Variants in REPS2 observed in about 807,000 individuals in gnomAD.
REPS2 encodes the protein RALBP1 associated Eps domain containing 2, also known as ralBP1-associated Eps domain-containing protein 2.
In REPS2, 23 loss-of-function variants were observed where a neutral mutation model predicts 53.6. The ratio of observed to expected loss-of-function variants is 0.43; its 90% confidence interval spans 0.31 to 0.61. The LOEUF (loss-of-function observed/expected upper bound fraction) is 0.61, where lower values mean the gene tolerates loss of function less well. Among genes scored for constraint, REPS2 ranks in the 20% least tolerant of loss-of-function variants. The pLI is 0.11. For synonymous variants in REPS2, 238 were observed against 218.6 expected (o/e 1.09, Z -0.78); for missense variants, 446 against 534.9 (o/e 0.83, Z 1.64).
chrX:17,170,624 C>G, the REPS2 span, among the ~76,000 whole-genome samples: 3 of 112,427 alleles, frequency 2.7e-5, no homozygotes, highest in African/African-American at 9.7e-5. Flanking sequence ...AGATCCTAAT[C>G]TAAACAAAAT....
chrX:16,990,279 A>T (rs766023255), intron 1 of REPS2, among the ~76,000 whole-genome samples: 63 of 111,345 alleles, frequency 5.7e-4, no homozygotes, highest in Non-Finnish European at 1.1e-3. Flanking sequence ...CCAGGGGTTG[A>T]GGGGGCAAGG....
At chrX:16,993,211 A>T (rs984282707) in intron 1 of REPS2, among the ~76,000 whole-genome samples, 5 of 112,168 alleles carry the variant, frequency 4.5e-5, no homozygotes, top group African/African-American at 1.6e-4. Flanking sequence ...GAGAGTACAG[A>T]TTCTAGGTAT....
At chrX:17,102,007 C>T (rs946147139) in intron 13 of REPS2, among the ~76,000 whole-genome samples, 2 of 105,687 alleles carry the variant, frequency 1.9e-5, no homozygotes, top group East Asian at 5.9e-4. Flanking sequence ...TTAAAGTTTG[C>T]GTAGATTTAT....
At chrX:17,040,850 T>A (rs1276016041) in intron 5 of REPS2, among the ~76,000 whole-genome samples, 5 of 112,011 alleles carry the variant, frequency 4.5e-5, no homozygotes, top group Non-Finnish European at 3.8e-5. Context: ...GGGCTCATAA[T>A]GGTCTAATGT....
chrX:17,083,778 G>T (rs770193922), intron 13 of REPS2, among the ~76,000 whole-genome samples: 2 of 111,068 alleles, frequency 1.8e-5, no homozygotes, highest in Non-Finnish European at 3.8e-5. Flanking sequence ...AAATCTGGTA[G>T]GACTATGGGA....
chrX:17,024,240 T>A (rs2061610023), intron 3 of REPS2, among the ~76,000 whole-genome samples: 1 of 110,040 alleles, frequency 9.1e-6, no homozygotes, highest in South Asian at 3.9e-4. Context: ...TGAGCTATGA[T>A]CACGCCACTG....
chrX:17,131,201 A>G (rs1298004491), intron 14 of REPS2, among the ~76,000 whole-genome samples: 1 of 111,530 alleles, frequency 9.0e-6, no homozygotes, highest in Non-Finnish European at 1.9e-5. Flanking sequence ...GAGAAATCCT[A>G]CATTTGAGGG....
chrX:17,127,425 T>C (rs995080702), intron 14 of REPS2, among the ~76,000 whole-genome samples: 3 of 112,199 alleles, frequency 2.7e-5, no homozygotes, highest in Non-Finnish European at 5.6e-5. Flanking sequence ...GTCAGTCTGG[T>C]TGGGCAAACA....
At chrX:17,007,983 A>T (rs6653625) in intron 2 of REPS2, among the ~76,000 whole-genome samples, 36 of 112,153 alleles carry the variant, frequency 3.2e-4, no homozygotes, top group African/African-American at 1.1e-3. Context: ...CCTTGTCTCA[A>T]TTTTTTCTAT....
intron 17 of REPS2, among the ~76,000 whole-genome samples, chrX:17,146,058 G>A (rs1485949244): frequency 8.5e-5 from 9 of 105,960 alleles, no homozygotes; most frequent in Non-Finnish European, 1.7e-4. Context: ...GCAGTGAGCC[G>A]AGATCGCGCC....
chrX:17,065,291 C>T (rs1168818350), intron 9 of REPS2, among the ~76,000 whole-genome samples: 1 of 112,372 alleles, frequency 8.9e-6, no homozygotes, highest in Non-Finnish European at 1.9e-5. Context: ...CACTTATTGT[C>T]TGCCTTTTTG....
chrX:17,062,682 T>C lies in REPS2; in HGVS notation c.1209+150T>C, dbSNP rs778991132. 6 of 414,546 alleles carry C rather than the reference T, an allele frequency of 1.4e-5. No individual in the cohort carries two copies. In the Admixed American group the frequency reaches 1.6e-4, roughly 11 times the overall value. 34.2% of individuals were successfully genotyped at this position (414,546 alleles called of 1,213,427 possible). A position where few individuals can be genotyped will look rare whatever the true frequency, so the allele number is the denominator to read the frequency against. ...CCTTTTCATACTTGGTAATTATTAA[T>C]ACTTTGATGCTCAGCCTTTCAGATC... On this transcript the variant is annotated intron_variant, in intron 9 of 17. Coordinates refer to ENST00000357277, the MANE Select transcript of REPS2 (RefSeq NM_004726.3).
At chrX:17,060,552 A>G (rs1318480163) in intron 8 of REPS2, among the ~76,000 whole-genome samples, 2 of 110,741 alleles carry the variant, frequency 1.8e-5, no homozygotes, top group African/African-American at 6.6e-5. Flanking sequence ...AGGGTGCATG[A>G]TCTTAGGGAA....
the REPS2 span, among the ~76,000 whole-genome samples, chrX:17,182,190 CATCT>C: frequency 9.8e-6 from 1 of 102,402 alleles, no homozygotes; most frequent in Non-Finnish European, 2.0e-5. Flanking sequence ...ATCTATCTAT[CATCT>C]ATCTATCTAT....
intron 14 of REPS2, among the ~76,000 whole-genome samples, chrX:17,105,208 C>G (rs2062857996): frequency 9.0e-6 from 1 of 111,090 alleles, no homozygotes; most frequent in Non-Finnish European, 1.9e-5. Context: ...ACAGCAGATC[C>G]ATTACACTTG....
rs72616032 is a variant in REPS2 at position 16,986,851 on chromosome X, C to T, written c.274-19370C>T. On this transcript the variant is annotated intron_variant, in intron 1 of 17. Transcript: ENST00000357277. ...CTAGGGGGAGCGGGGGATGGTTGGT[C>T]CCCCTAGCAGTGAAAAGTAAGGGGA... 3.0e-3 allele frequency among the ~76,000 whole-genome samples: 332 copies of T among 109,781 alleles called. 4 individuals are homozygous for T. The highest frequency in any genetic ancestry group is 0.025 in the East Asian group (88 of 3,499).
chrX:16,991,375 T>C (rs1011680362), intron 1 of REPS2, among the ~76,000 whole-genome samples: 2 of 111,817 alleles, frequency 1.8e-5, no homozygotes, highest in Non-Finnish European at 1.9e-5. Flanking sequence ...CCACATTTCA[T>C]TGTAGCTAGG....
chrX:17,110,691 T>TCAAA (rs112473755), intron 14 of REPS2, among the ~76,000 whole-genome samples: 78 of 107,192 alleles, frequency 7.3e-4, no homozygotes, highest in Middle Eastern at 4.7e-3. Context: ...AAACTCTGTC[T>TCAAA]CAAACAAACA....
intron 14 of REPS2, among the ~76,000 whole-genome samples, chrX:17,109,669 T>G (rs1236436570): frequency 9.0e-6 from 1 of 111,203 alleles, no homozygotes; most frequent in East Asian, 2.8e-4. Flanking sequence ...AGGTCCTGTG[T>G]GTACTACTGT....
Sources: allele counts gnomAD v4.1 joint callset (sites outside exome capture counted in the v4.1 genomes callset), GRCh38; gene constraint gnomAD v4.1.1; transcripts MANE v1.5; gene names NCBI Gene and HGNC (gene_info 2026-07-23, HGNC 2026-07-21).